ADCY5: variants seen among roughly 807,000 people sequenced by gnomAD.
ADCY5 encodes the protein adenylate cyclase type 5.
A neutral mutation model predicts 119.7 loss-of-function variants in ADCY5; 30 were observed. The ratio of observed to expected loss-of-function variants is 0.25; its 90% CI spans 0.19 to 0.34. The LOEUF is 0.34. Among genes scored for constraint, ADCY5 ranks in the 10% least tolerant of loss-of-function variants. The pLI, the probability that ADCY5 is intolerant of heterozygous loss-of-function variation, is 1.00. For synonymous variants in ADCY5, 753 were observed against 762.2 expected (o/e 0.99, Z 0.20); for missense variants, 1,324 against 1,775.2 (o/e 0.75, Z 4.57).
intron 1 of ADCY5, among the ~76,000 whole-genome samples, chr3:123,388,473 G>A (rs1328763848): frequency 6.6e-6 from 1 of 152,176 alleles, no homozygotes; most frequent in Non-Finnish European, 1.5e-5. Context: ...GGGTACACAT[G>A]ATGGGTTTAA....
chr3:123,321,775 T>C (rs1482248086), intron 8 of ADCY5, among the ~76,000 whole-genome samples: 1 of 152,154 alleles, frequency 6.6e-6, no homozygotes, highest in East Asian at 1.9e-4. Context: ...TTTATGTTCC[T>C]CTCCATGAGC....
chr3:123,375,246 T>C (rs1295418008), intron 1 of ADCY5, among the ~76,000 whole-genome samples: 2 of 152,236 alleles, frequency 1.3e-5, no homozygotes, highest in South Asian at 2.1e-4. Flanking sequence ...TGTGTGAAAG[T>C]ATGCATGAGT....
intron 1 of ADCY5, among the ~76,000 whole-genome samples, chr3:123,361,220 C>T (rs1242486052): frequency 7.2e-5 from 11 of 152,112 alleles, no homozygotes; most frequent in Non-Finnish European, 2.9e-5. Flanking sequence ...GAATGTCCTC[C>T]GGGGGCACAC....
rs535283869 is a variant in ADCY5 at position 123,362,940 on chromosome 3, G to C, written c.1135-10359C>G. On this transcript the variant is annotated intron_variant, in intron 1 of 20. Coordinates refer to ENST00000462833, the MANE Select transcript of ADCY5 (RefSeq NM_183357.3). ...GGGTGGATCATGAGATCAGGAGTTC[G>C]AGACCAGCCTGGCCAACATGGTGAA... 4.1e-4 allele frequency among the ~76,000 whole-genome samples: 62 copies of C among 151,700 alleles called. 1 individual carries two copies. The highest frequency in any genetic ancestry group is 7.1e-4 in the Non-Finnish European group (48 of 67,938).
chr3:123,428,505 T>A (rs1040864750), intron 1 of ADCY5, among the ~76,000 whole-genome samples: 1 of 152,182 alleles, frequency 6.6e-6, no homozygotes, highest in Non-Finnish European at 1.5e-5. Context: ...TCTAGCCCTG[T>A]CCTCTGAGAA....
At chr3:123,319,922 G>T in intron 9 of ADCY5, 104 bp from the exon 10 acceptor site, 2 of 1,469,054 alleles carry the variant, frequency 1.4e-6, no homozygotes, top group Non-Finnish European at 1.8e-6. Context: ...AGGCCTGGCA[G>T]CTGTCCACCA....
intron 1 of ADCY5, among the ~76,000 whole-genome samples, chr3:123,399,445 C>T (rs1290168940): frequency 6.6e-6 from 1 of 152,164 alleles, no homozygotes; most frequent in Non-Finnish European, 1.5e-5. Context: ...TAATGAGCGT[C>T]CCATCTGAAT....
intron 1 of ADCY5, among the ~76,000 whole-genome samples, chr3:123,391,567 G>A (rs949089661): frequency 8.5e-5 from 13 of 152,116 alleles, no homozygotes; most frequent in East Asian, 1.9e-4. Flanking sequence ...GTCTCCAGTT[G>A]CCTTGTTCCA....
At position 123,327,388 on chromosome 3, in the gene ADCY5, T is replaced by G. The variant is rs145557776; in HGVS notation, c.1947+230A>C. Among the ~76,000 whole-genome samples the G allele has an allele frequency of 7.7e-4, 117 of 152,372 alleles. 1 individual carries two copies. The East Asian group carries it at 0.022, about 29-fold the overall frequency. ...GGACTTCTGATGTCTTGTTGCTAAC[T>G]GATTTGAGGCCTGTTGCATTTTTGC... On this transcript the variant is annotated intron_variant, in intron 7 of 20. Coordinates refer to ENST00000462833, the MANE Select transcript of ADCY5 (RefSeq NM_183357.3).
chr3:123,411,327 T>C (rs927170945), intron 1 of ADCY5, among the ~76,000 whole-genome samples: 2 of 152,162 alleles, frequency 1.3e-5, no homozygotes, highest in Non-Finnish European at 2.9e-5. Flanking sequence ...CTGGATTCCC[T>C]TCAGTTCAGA....
intron 8 of ADCY5, among the ~76,000 whole-genome samples, 194 bp from the exon 9 acceptor site, chr3:123,320,965 C>A (rs1941191733): frequency 6.6e-6 from 1 of 152,192 alleles, no homozygotes; most frequent in Non-Finnish European, 1.5e-5. Context: ...CCCTAAGAGA[C>A]AGGTGCTGTG....
At chr3:123,346,046 A>G (rs568204825) in intron 3 of ADCY5, among the ~76,000 whole-genome samples, 75 of 152,338 alleles carry the variant, frequency 4.9e-4, no homozygotes, top group African/African-American at 1.8e-3. Context: ...GGAGATAATC[A>G]CAGTACAGCC....
At position 123,286,605 on chromosome 3, in the gene ADCY5, G is replaced by A. The variant is rs1938782830; in HGVS notation, c.3657+80C>T. On this transcript the variant is annotated intron_variant, in intron 20 of 20. Transcript: ENST00000462833. The surrounding 1 kb of genome is among the most constrained non-coding windows in gnomAD (Gnocchi z 4.2). ...CAGACATTCTGACTGGGAACTGTAG[G>A]TGGCCTGCCCTGAAGACCTCTCGGT... The A allele has an allele frequency of 2.7e-6, 4 of 1,493,784 alleles. No homozygotes were observed. Among genetic ancestry groups the A allele is most frequent in the African/African-American group, 1.4e-5 (1 of 71,184 alleles). The allele number at this position is 1,493,784 out of a possible 1,614,324, so 92.5% of individuals were successfully genotyped here. A position where few individuals can be genotyped will look rare whatever the true frequency, so the allele number is the denominator to read the frequency against.
At chr3:123,422,564 G>A (rs1005149851) in intron 1 of ADCY5, among the ~76,000 whole-genome samples, 3 of 152,116 alleles carry the variant, frequency 2.0e-5, no homozygotes, top group Non-Finnish European at 2.9e-5. Context: ...GGAATGCCCC[G>A]GCACCTACCA....
intron 1 of ADCY5, among the ~76,000 whole-genome samples, chr3:123,437,160 T>A (rs1432324189): frequency 6.6e-6 from 1 of 152,174 alleles, no homozygotes; most frequent in Non-Finnish European, 1.5e-5. Context: ...AGATTAATCC[T>A]TGCAGAGAGT....
chr3:123,382,482 C>A (rs1944064188), intron 1 of ADCY5, among the ~76,000 whole-genome samples: 1 of 152,220 alleles, frequency 6.6e-6, no homozygotes, highest in African/African-American at 2.4e-5. Context: ...ATGCTCCCAG[C>A]AGCACTATTC....
intron 1 of ADCY5, among the ~76,000 whole-genome samples, chr3:123,383,998 T>C (rs963372472): frequency 1.3e-5 from 2 of 151,670 alleles, no homozygotes; most frequent in African/African-American, 4.8e-5. Context: ...ACACCCACCC[T>C]TCCTCAAGGG....
rs1939940054 is a variant in ADCY5, at chr3:123,303,115, G to A, written c.2664C>T (p.Tyr888=). Residue 888 remains tyrosine (Y), a synonymous_variant, in exon 14 of 21, where the codon TAC becomes TAT. Coordinates refer to ENST00000462833, the MANE Select transcript of ADCY5 (RefSeq NM_183357.3). ...ACHVAESAVN[Y]SLGDEQGFCG... is the part of the protein sequence containing the mutation. ...AGAAGCCCTGCTCATCGCCCAGGCT[G>A]TAGTTGACGGCCGACTCCGCCACGT... 12 of 1,613,788 alleles carry A rather than the reference G, an allele frequency of 7.4e-6. No homozygotes were observed. The Admixed American group carries it at 2.0e-4, about 27-fold the overall frequency.
intron 1 of ADCY5, among the ~76,000 whole-genome samples, chr3:123,402,306 T>C (rs1206180818): frequency 6.6e-6 from 1 of 152,208 alleles, no homozygotes; most frequent in East Asian, 1.9e-4. Flanking sequence ...TCTCCAAACA[T>C]ACTGCCTGGA....
Sources: gnomAD v4.1 joint callset for allele counts (sites outside exome capture counted in the v4.1 genomes callset) on GRCh38, gnomAD v4.1.1 for gene constraint, Gnocchi (gnomAD v3.1) non-coding constraint, MANE v1.5 for transcripts, NCBI Gene and HGNC (gene_info 2026-07-23, HGNC 2026-07-21) for gene names.